Variants in CDK2AP1 observed in about 807,000 individuals in gnomAD.
The protein encoded by CDK2AP1 is cyclin-dependent kinase 2-associated protein 1.
A neutral mutation model predicts 14.1 loss-of-function variants in CDK2AP1; 10 were observed. The observed-to-expected ratio is 0.71, with a 90% CI of 0.44 to 1.20. The LOEUF (loss-of-function observed/expected upper bound fraction) is 1.20, where lower values mean the gene tolerates loss of function less well. CDK2AP1 is among the 50% of genes most tolerant of loss of function. The pLI, the probability that CDK2AP1 is intolerant of heterozygous loss-of-function variation, is 0.00. For missense variants in CDK2AP1, 102 were observed against 149.9 expected, an observed-to-expected ratio of 0.68 and a Z score of 1.67; for synonymous variants, 59 against 59.8, an observed-to-expected ratio of 0.99 and a Z score of 0.06.
At chr12:123,267,090 G>C in intron 2 of CDK2AP1, 95 bp downstream of exon 2, 1 of 812,084 alleles carries the variant, frequency 1.2e-6, no homozygotes, top group Non-Finnish European at 2.2e-6. Context: ...CATCCTTTCT[G>C]CTCCTTCGTC....
In CDK2AP1 at chr12:123,261,528, A is replaced by T. The variant is rs2048232615; in HGVS notation, c.*208T>A. On this transcript the variant is annotated 3_prime_UTR_variant, in exon 4 of 4. Transcript: ENST00000261692. ...CTTAAAAAACAAAAAAAACCTGGGC[A>T]GTTCCTAACTACTTAAAATGCAAAT... 6.1e-6 allele frequency: 3 copies of T among 495,526 alleles called. No homozygotes were observed. In the South Asian group the frequency reaches 8.4e-5, roughly 14 times the overall value. 30.7% of individuals were successfully genotyped at this position (495,526 alleles called of 1,614,324 possible).
chr12:123,264,447 TA>T (rs2048266630), intron 3 of CDK2AP1, among the ~76,000 whole-genome samples: 1 of 76,734 alleles, frequency 1.3e-5, no homozygotes, highest in Admixed American at 2.1e-4. Flanking sequence ...GCAACAAGAG[TA>T]AAACTCCGTC....
In CDK2AP1 at chr12:123,265,086, C is replaced by G. The variant is rs912054079; in HGVS notation, c.280+110G>C. ...AACTCTGTAACAAGACAGGAGCTCC[C>G]ATGAGTGAGCCTCATCCCTAGCCCA... On this transcript the variant is annotated intron_variant, in intron 3 of 3. Transcript: ENST00000261692. The surrounding 1 kb of genome is among the most constrained non-coding windows in gnomAD (Gnocchi z 5.3). 4.2e-6 allele frequency: 6 copies of G among 1,437,716 alleles called. No homozygotes were observed. The African/African-American group carries it at 8.4e-5, about 20-fold the overall frequency. The allele number at this position is 1,437,716 out of a possible 1,614,324, so 89.1% of individuals were successfully genotyped here. A position where few individuals can be genotyped will look rare whatever the true frequency, so the allele number is the denominator to read the frequency against.
chr12:123,269,512 AGGCCGTCTC>A (rs898018413), intron 1 of CDK2AP1, among the ~76,000 whole-genome samples: 7 of 152,238 alleles, frequency 4.6e-5, no homozygotes, highest in Admixed American at 3.3e-4. Context: ...ACGTCAGCGA[AGGCCGTCTC>A]GGCGCATCTC....
intron 1 of CDK2AP1, chr12:123,270,906 G>A (rs2048347781): frequency 1.0e-6 from 1 of 985,176 alleles, no homozygotes; most frequent in Non-Finnish European, 1.2e-6. Flanking sequence ...GTCCCCGCGT[G>A]ACCGCATGGG....
intron 1 of CDK2AP1, among the ~76,000 whole-genome samples, chr12:123,269,927 T>A: frequency 6.6e-6 from 1 of 152,008 alleles, no homozygotes; most frequent in Non-Finnish European, 1.5e-5. Flanking sequence ...GATCTGGGGA[T>A]CTCGGCACTC....
intron 2 of CDK2AP1, among the ~76,000 whole-genome samples, chr12:123,266,191 G>A (rs896651119): frequency 5.9e-5 from 9 of 152,288 alleles, no homozygotes; most frequent in African/African-American, 1.7e-4. Context: ...CTGGCCTCGC[G>A]CTCTGTCCTG....
chr12:123,268,714 C>T (rs1297074255), intron 1 of CDK2AP1, among the ~76,000 whole-genome samples: 2 of 152,174 alleles, frequency 1.3e-5, no homozygotes, highest in Non-Finnish European at 1.5e-5. Flanking sequence ...GAGACACGTG[C>T]GCTATAGGGG....
chr12:123,268,995 A>C (rs1337528361), intron 1 of CDK2AP1: 1 of 152,220 alleles, frequency 6.6e-6, no homozygotes, highest in Non-Finnish European at 1.5e-5. Context: ...AGGCGTTTGC[A>C]AGATCCCAGC....
At chr12:123,264,361 G>A (rs902738633) in intron 3 of CDK2AP1, among the ~76,000 whole-genome samples, 2 of 150,614 alleles carry the variant, frequency 1.3e-5, no homozygotes, top group Non-Finnish European at 2.9e-5. Context: ...TTGGGAGGCT[G>A]AGGCAGGAGA....
At position 123,267,596 on chromosome 12, in the gene CDK2AP1, C is replaced by G. The variant is rs551914395; in HGVS notation, c.56-314G>C. The G allele has an allele frequency of 2.2e-4, 70 of 324,358 alleles. 1 individual carries two copies. Among genetic ancestry groups the G allele is most frequent in the South Asian group, 1.4e-3 (49 of 35,046 alleles). The allele number at this position is 324,358 out of a possible 1,614,324, so 20.1% of individuals were successfully genotyped here. On this transcript the variant is annotated intron_variant, in intron 1 of 3. Transcript: ENST00000261692. ...TTGCCACTCCTGGCCTGAACTCTGC[C>G]CATCCCCTCTCCCTGTGTCCTGGTC...
At chr12:123,268,301 G>A in intron 1 of CDK2AP1, 1 of 920,902 alleles carries the variant, frequency 1.1e-6, no homozygotes, top group African/African-American at 1.8e-5. Flanking sequence ...CCCACCAGCT[G>A]CTCGCTTGGT....
rs1239366951 is a variant in CDK2AP1 at position 123,261,335 on chromosome 12, T to C, written c.*401A>G. 1 of 168,132 alleles carries C rather than the reference T, an allele frequency of 5.9e-6. No individual in the cohort carries two copies. The highest frequency in any genetic ancestry group is 1.3e-5 in the Non-Finnish European group (1 of 77,962). The allele number at this position is 168,132 out of a possible 1,614,324, so 10.4% of individuals were successfully genotyped here. On this transcript the variant is annotated 3_prime_UTR_variant, in exon 4 of 4. Coordinates refer to ENST00000261692, the MANE Select transcript of CDK2AP1 (RefSeq NM_004642.4). The stretch of plus-strand genomic sequence containing the variant: ...TACTAAGTAAAGCGTGCTGTCAATA[T>C]GCGTTCAAAACAAAATCCCTACAGT...
chr12:123,261,798 T>C lies in CDK2AP1; in HGVS notation c.286A>G (p.Ile96Val). ...SAMERLKRGI[I>V]HARGLVRECL... Reference sequence around the variant, plus strand: ...TCCCGAACCAGTCCTCTAGCGTGAATGATGCCTGAAACAGAGGCAGAGACC... The same window carrying C: ...TCCCGAACCAGTCCTCTAGCGTGAACGATGCCTGAAACAGAGGCAGAGACC... Residue 96 changes from isoleucine (I) to valine (V), a missense_variant, in exon 4 of 4, where the codon ATT (isoleucine) becomes GTT (valine). Ile to Val is a conservative substitution (Grantham distance 29). This residue lies in a region of CDK2AP1 where 52 missense variants were observed against 107.2 expected (regional missense o/e 0.48). Coordinates refer to ENST00000261692, the MANE Select transcript of CDK2AP1 (RefSeq NM_004642.4). 6.2e-7 allele frequency: 1 copy of C among 1,613,200 alleles called. No individual in the cohort carries two copies. The highest frequency in any genetic ancestry group is 8.5e-7 in the Non-Finnish European group (1 of 1,179,156).
At chr12:123,267,111 ACTT>A (rs2048305099) in intron 2 of CDK2AP1, 71 bp downstream of exon 2, 1 of 926,232 alleles carries the variant, frequency 1.1e-6, no homozygotes, top group Admixed American at 1.7e-5. Flanking sequence ...TCTTCCACCA[ACTT>A]CTCTCCTCTG....
At chr12:123,262,963 C>T (rs918743338) in intron 3 of CDK2AP1, among the ~76,000 whole-genome samples, 1 of 151,962 alleles carries the variant, frequency 6.6e-6, no homozygotes, top group African/African-American at 2.4e-5. Context: ...CCTGTAATCC[C>T]AGCACTTTCG....
At chr12:123,263,662 T>G (rs1419699617) in intron 3 of CDK2AP1, among the ~76,000 whole-genome samples, 1 of 152,196 alleles carries the variant, frequency 6.6e-6, no homozygotes, top group Non-Finnish European at 1.5e-5. Flanking sequence ...AACCTAGCTT[T>G]GAGACCCGTC....
rs1256411330 is a variant in CDK2AP1 at position 123,265,429 on chromosome 12, G to C, written c.154-107C>G. On this transcript the variant is annotated intron_variant, in intron 2 of 3. Transcript: ENST00000261692. The surrounding 1 kb of genome is among the most constrained non-coding windows in gnomAD (Gnocchi z 5.3). ...GAGGCAGGAGAACTGCTTGGACCCA[G>C]GAGGTGGAAGTTGCAGTGAGCCAAG... 9.2e-6 allele frequency: 10 copies of C among 1,085,286 alleles called. No homozygotes were observed. Among genetic ancestry groups the C allele is most frequent in the African/African-American group, 1.5e-5 (1 of 64,724 alleles). The allele number at this position is 1,085,286 out of a possible 1,614,324, so 67.2% of individuals were successfully genotyped here. A position where few individuals can be genotyped will look rare whatever the true frequency, so the allele number is the denominator to read the frequency against.
At chr12:123,269,589 G>A (rs1283276043) in intron 1 of CDK2AP1, among the ~76,000 whole-genome samples, 1 of 152,232 alleles carries the variant, frequency 6.6e-6, no homozygotes, top group African/African-American at 2.4e-5. Flanking sequence ...AAGCTCCTGG[G>A]GCCAGGCGCG....
Sources: allele counts gnomAD v4.1 joint callset (sites outside exome capture counted in the v4.1 genomes callset), GRCh38; gene constraint gnomAD v4.1.1; regional missense constraint gnomAD v4.1.1; non-coding constraint Gnocchi (gnomAD v3.1); transcripts MANE v1.5; gene names NCBI Gene and HGNC (gene_info 2026-07-23, HGNC 2026-07-21).